NOS2: variants seen among roughly 807,000 people sequenced by gnomAD.
The protein encoded by NOS2 is nitric oxide synthase, inducible.
Under a neutral mutation model 136.0 loss-of-function variants are expected in NOS2, and 96 were observed. That is an observed-to-expected ratio of 0.71 (90% CI 0.60 to 0.84). The LOEUF (loss-of-function observed/expected upper bound fraction) is 0.84. Among genes scored for constraint, NOS2 ranks in the 40% least tolerant of loss-of-function variants. The pLI, the probability that NOS2 is intolerant of heterozygous loss-of-function variation, is 0.00. For missense variants in NOS2, 1,237 were observed against 1,496.9 expected, an observed-to-expected ratio of 0.83 and a Z score of 2.87; for synonymous variants, 539 against 587.5, an observed-to-expected ratio of 0.92 and a Z score of 1.20.
chr17:27,759,534 A>T (rs945879355), intron 25 of NOS2, among the ~76,000 whole-genome samples: 16 of 152,248 alleles, frequency 1.1e-4, no homozygotes, highest in Admixed American at 3.3e-4. Flanking sequence ...CAGGATGCCC[A>T]GTGGCCCCAG....
At chr17:27,777,295 T>A (rs1313323543) in intron 11 of NOS2, among the ~76,000 whole-genome samples, 2 of 152,090 alleles carry the variant, frequency 1.3e-5, no homozygotes, top group Non-Finnish European at 2.9e-5. Context: ...AGTGGTGGGG[T>A]CTCCAGGGCA....
At chr17:27,799,672 T>C (rs768860976) in intron 1 of NOS2, among the ~76,000 whole-genome samples, 35 of 152,004 alleles carry the variant, frequency 2.3e-4, no homozygotes, top group Non-Finnish European at 3.8e-4. Flanking sequence ...AGGGAGACCT[T>C]GACTACAAAA....
rs142527633 is a variant in NOS2 at position 27,783,901 on chromosome 17, C to G, written c.468-795G>C. ...AGGGCCTGCCCACCCTTCTCAGGAGCCTGGTCAAGCCAGGACTGGGACCTG... is the reference window on the plus strand; with the variant it reads ...AGGGCCTGCCCACCCTTCTCAGGAGGCTGGTCAAGCCAGGACTGGGACCTG... On this transcript the variant is annotated intron_variant, in intron 5 of 26. Coordinates refer to ENST00000313735, the MANE Select transcript of NOS2 (RefSeq NM_000625.4). 2.0e-5 allele frequency among the ~76,000 whole-genome samples: 3 copies of G among 152,306 alleles called. No homozygotes were observed. The East Asian group carries it at 5.8e-4, about 29-fold the overall frequency.
intron 12 of NOS2, among the ~76,000 whole-genome samples, chr17:27,773,593 CAAG>C (rs1358445509): frequency 1.3e-5 from 2 of 152,176 alleles, no homozygotes; most frequent in Non-Finnish European, 2.9e-5. Context: ...CCTTTGAGAG[CAAG>C]AAGAGCTGCT....
At chr17:27,759,896 CTGATGGTTG>C in intron 25 of NOS2, 125 bp downstream of exon 25, 1 of 824,012 alleles carries the variant, frequency 1.2e-6, no homozygotes, top group Non-Finnish European at 1.8e-6. Flanking sequence ...CAGCATCACT[CTGATGGTTG>C]TGAATTACCA....
Position 27,789,637 on chromosome 17 carries a change from A to T in NOS2, c.162T>A (p.Asn54Lys). The change falls in exon 3 of 27, where the codon AAT becomes AAA. Residue 54 changes from asparagine to lysine, a missense_variant. Asn to Lys is a moderately conservative substitution (Grantham distance 94). Around this residue, in one of 3 missense-constraint regions of NOS2, gnomAD observed 440 missense variants for 545.4 expected, o/e 0.81. Coordinates refer to ENST00000313735, the MANE Select transcript of NOS2 (RefSeq NM_000625.4). ...TCTCCACGAGGGGCTGCGGGGACTC[A>T]TTCTGCTGCTTGCTGAGGTTGTGAT... ...LQYHNLSKQQ[N>K]ESPQPLVETG... 1 of 1,614,024 alleles carries T rather than the reference A, an allele frequency of 6.2e-7. No homozygotes were observed. Among genetic ancestry groups the T allele is most frequent in the Non-Finnish European group, 8.5e-7 (1 of 1,179,930 alleles).
chr17:27,797,972 G>A (rs76039852), intron 2 of NOS2, among the ~76,000 whole-genome samples: 46 of 152,240 alleles, frequency 3.0e-4, no homozygotes, highest in Middle Eastern at 3.4e-3. Context: ...TCAAAGAGCC[G>A]CCACAGAGAT....
intron 5 of NOS2, among the ~76,000 whole-genome samples, chr17:27,786,628 C>T (rs1444680299): frequency 6.6e-6 from 1 of 152,172 alleles, no homozygotes; most frequent in Non-Finnish European, 1.5e-5. Flanking sequence ...CTTACTGTGG[C>T]CCAGGCATTG....
intron 2 of NOS2, among the ~76,000 whole-genome samples, chr17:27,793,007 G>A (rs927494234): frequency 6.6e-5 from 10 of 151,888 alleles, no homozygotes; most frequent in Non-Finnish European, 1.3e-4. Context: ...GGGGCGTGGG[G>A]AGTGCTGTGA....
At chr17:27,769,949 G>T (rs1046300912) in intron 15 of NOS2, among the ~76,000 whole-genome samples, 1 of 152,222 alleles carries the variant, frequency 6.6e-6, no homozygotes, top group Admixed American at 6.5e-5. Flanking sequence ...ACAACAATTG[G>T]TCCTACAGTC....
chr17:27,757,206 T>A lies in NOS2; in HGVS notation c.*40A>T. The A allele has an allele frequency of 6.5e-7, 1 of 1,542,722 alleles. No homozygotes were observed. The highest frequency in any genetic ancestry group is 1.7e-5 in the Admixed American group (1 of 58,602). Reference sequence around the variant, plus strand: ...GATAATGCAGAGCTGGCTCCATCCTTAAGTTCTGTGCCGGCAGCTTTAACC... The same window carrying A: ...GATAATGCAGAGCTGGCTCCATCCTAAAGTTCTGTGCCGGCAGCTTTAACC... On this transcript the variant is annotated 3_prime_UTR_variant, in exon 27 of 27. Coordinates refer to ENST00000313735, the MANE Select transcript of NOS2 (RefSeq NM_000625.4).
chr17:27,757,394 T>G, intron 26 of NOS2, 41 bp from the exon 27 acceptor site: 1 of 1,583,692 alleles, frequency 6.3e-7, no homozygotes, highest in East Asian at 2.2e-5. Context: ...AAGTCCAGGC[T>G]GGGATGAGCC....
intron 8 of NOS2, 40 bp downstream of exon 8, chr17:27,780,996 C>A (rs771168785): frequency 6.2e-7 from 1 of 1,605,394 alleles, no homozygotes; most frequent in Admixed American, 1.7e-5. Context: ...CCACGGGGCT[C>A]CCCGCCCCAA....
chr17:27,759,754 G>A (rs1908053297), intron 25 of NOS2, among the ~76,000 whole-genome samples: 1 of 152,106 alleles, frequency 6.6e-6, no homozygotes, highest in African/African-American at 2.4e-5. Context: ...CCGGGCAGTC[G>A]CGTGTCCCAG....
At position 27,760,832 on chromosome 17, in the gene NOS2, A is replaced by G. The variant is rs1453025933; in HGVS notation, c.2889-88T>C. 8 of 1,470,118 alleles carry G rather than the reference A, an allele frequency of 5.4e-6. No homozygotes were observed. In the South Asian group the frequency reaches 6.9e-5, roughly 13 times the overall value. The allele number at this position is 1,470,118 out of a possible 1,614,324, so 91.1% of individuals were successfully genotyped here. On this transcript the variant is annotated intron_variant, in intron 23 of 26. Coordinates refer to ENST00000313735, the MANE Select transcript of NOS2 (RefSeq NM_000625.4). The stretch of plus-strand genomic sequence containing the variant: ...ATGGCTGGGGAGCTGGGCCTGTGGG[A>G]GGCGGTCGTGAGGGGGTGGAGAGGA...
intron 11 of NOS2, 92 bp downstream of exon 11, chr17:27,778,598 G>A: frequency 2.0e-6 from 2 of 1,001,992 alleles, no homozygotes; most frequent in South Asian, 1.4e-5. Context: ...GTGAGCAAGG[G>A]GGCTTACTTA....
At chr17:27,773,046 C>G in intron 13 of NOS2, 115 bp downstream of exon 13, 1 of 883,474 alleles carries the variant, frequency 1.1e-6, no homozygotes, top group South Asian at 1.4e-5. Flanking sequence ...AAAACAAAAG[C>G]AAAAAGCATA....
At chr17:27,770,454 C>T (rs4796040) in intron 15 of NOS2, among the ~76,000 whole-genome samples, 1 of 152,086 alleles carries the variant, frequency 6.6e-6, no homozygotes, top group Non-Finnish European at 1.5e-5. Context: ...CCATTGCACT[C>T]TACCCTGGGC....
At chr17:27,794,662 C>T (rs1909295441) in intron 2 of NOS2, among the ~76,000 whole-genome samples, 1 of 151,964 alleles carries the variant, frequency 6.6e-6, no homozygotes, top group Admixed American at 6.6e-5. Context: ...CACCTAGATG[C>T]TCCCACATTT....
Sources: gnomAD v4.1 joint callset for allele counts (sites outside exome capture counted in the v4.1 genomes callset) on GRCh38, gnomAD v4.1.1 for gene constraint, gnomAD v4.1.1 regional missense constraint, MANE v1.5 for transcripts, NCBI Gene and HGNC (gene_info 2026-07-23, HGNC 2026-07-21) for gene names.